The following NECTIN1 variants were observed in gnomAD, a reference collection of about 807,000 sequenced individuals.
NECTIN1 encodes nectin cell adhesion molecule 1.
In NECTIN1, 23 loss-of-function variants were observed where a neutral mutation model predicts 48.0. The ratio of observed to expected loss-of-function variants is 0.48; its 90% CI spans 0.34 to 0.68. NECTIN1 has a LOEUF of 0.68. NECTIN1 is among the 30% of genes least tolerant of loss of function. NECTIN1 has a pLI of 0.01. For missense variants in NECTIN1, 591 were observed against 709.9 expected (o/e 0.83, Z 1.90); for synonymous variants, 270 against 288.9 (o/e 0.93, Z 0.66).
chr11:119,664,575 G>A lies in NECTIN1; in HGVS notation c.*172C>T. ...GGAGAGGGAGGAAATAAAACACAAAGCCAAGTCGTGGCTGCCCTGGGCTCC... is the reference window on the plus strand; with the variant it reads ...GGAGAGGGAGGAAATAAAACACAAAACCAAGTCGTGGCTGCCCTGGGCTCC... On this transcript the variant is annotated 3_prime_UTR_variant, in exon 6 of 6. Coordinates refer to ENST00000264025, the MANE Select transcript of NECTIN1 (RefSeq NM_002855.5). 1 of 1,435,760 alleles carries A rather than the reference G, an allele frequency of 7.0e-7. No homozygotes were observed. The highest frequency in any genetic ancestry group is 9.1e-7 in the Non-Finnish European group (1 of 1,096,948). The allele number at this position is 1,435,760 out of a possible 1,614,324, so 88.9% of individuals were successfully genotyped here. A position where few individuals can be genotyped will look rare whatever the true frequency, so the allele number is the denominator to read the frequency against.
intron 1 of NECTIN1, among the ~76,000 whole-genome samples, chr11:119,689,799 C>T (rs553436527): frequency 7.9e-5 from 12 of 152,318 alleles, no homozygotes; most frequent in Middle Eastern, 3.4e-3. Flanking sequence ...ACTTTGTAGC[C>T]ACAGCACAGT....
rs532419307 is a variant in NECTIN1, at chr11:119,685,810, G to A, written c.80-7045C>T. Among the ~76,000 whole-genome samples, 78 of 152,304 alleles carry A rather than the reference G, an allele frequency of 5.1e-4. 1 individual carries two copies. The highest frequency in any genetic ancestry group is 1.8e-3 in the African/African-American group (74 of 41,570). ...TGCTCACCTGGACACTGAGAGAGGC[G>A]AGCTCTGGTCCCCACTACTTGCTCA... On this transcript the variant is annotated intron_variant, in intron 1 of 5. Transcript: ENST00000264025.
chr11:119,728,451 G>T (rs753208596), intron 1 of NECTIN1, 24 bp downstream of exon 1: 2 of 1,581,828 alleles, frequency 1.3e-6, no homozygotes, highest in South Asian at 2.3e-5. Context: ...TGGGGGTGGG[G>T]ACAGCAGAGG....
intron 1 of NECTIN1, among the ~76,000 whole-genome samples, chr11:119,690,704 G>A (rs542670190): frequency 1.3e-5 from 2 of 152,310 alleles, no homozygotes; most frequent in East Asian, 3.9e-4. Context: ...CCACAGAGGG[G>A]AGACCAGCCC....
At chr11:119,710,070 T>G (rs935941958) in intron 1 of NECTIN1, 7 of 152,132 alleles carry the variant, frequency 4.6e-5, no homozygotes, top group Non-Finnish European at 7.3e-5. Flanking sequence ...CACCACCCAG[T>G]CACCCCTTCA....
chr11:119,667,048 G>C (rs1483257718), intron 5 of NECTIN1, among the ~76,000 whole-genome samples: 2 of 152,106 alleles, frequency 1.3e-5, no homozygotes, highest in African/African-American at 4.8e-5. Context: ...CACCATCCTC[G>C]GTGCAGGTCA....
In NECTIN1 at chr11:119,663,623, G is replaced by T. The variant is rs1864708160; in HGVS notation, c.*1124C>A. The T allele has an allele frequency of 2.0e-6, 2 of 985,694 alleles. No individual in the cohort carries two copies. Among genetic ancestry groups the T allele is most frequent in the Middle Eastern group, 1.0e-3 (2 of 1,914 alleles). 61.1% of individuals were successfully genotyped at this position (985,694 alleles called of 1,614,324 possible). ...GGCTTCCTTCCCCACTACCCTCCGT[G>T]TGGATGCTTCTTTACCTCTGACTCC... On this transcript the variant is annotated 3_prime_UTR_variant, in exon 6 of 6. Transcript: ENST00000264025.
intron 1 of NECTIN1, among the ~76,000 whole-genome samples, chr11:119,697,072 G>A (rs1251615245): frequency 6.6e-6 from 1 of 152,118 alleles, no homozygotes; most frequent in Non-Finnish European, 1.5e-5. Context: ...GGGGCAGCCT[G>A]CGAGCAGCTC....
Position 119,647,180 on chromosome 11 carries a change from TG to T in NECTIN1, c.1004-7169del, listed in dbSNP as rs1565375769. ...CGGCGCATGTGTGTGTGTGTGTGTG[TG>T]TGTGTGTGTGTGTGTGTGTGTGTGT... On this transcript the variant is annotated intron_variant, in intron 5 of 7. Coordinates refer to the NECTIN1 transcript ENST00000341398. Among the ~76,000 whole-genome samples the T allele has an allele frequency of 2.7e-5, 3 of 112,342 alleles. No individual in the cohort carries two copies. In the East Asian group the frequency reaches 9.1e-4, roughly 34 times the overall value. 73.7% of individuals were successfully genotyped at this position (112,342 alleles called of 152,430 possible). A position where few individuals can be genotyped will look rare whatever the true frequency, so the allele number is the denominator to read the frequency against.
intron 1 of NECTIN1, among the ~76,000 whole-genome samples, chr11:119,719,237 G>A (rs1027732689): frequency 2.0e-5 from 3 of 152,150 alleles, no homozygotes; most frequent in African/African-American, 4.8e-5. Flanking sequence ...CCAGGTTATC[G>A]CTGCACCACT....
Position 119,664,607 on chromosome 11 carries a change from C to A in NECTIN1, c.*140G>T. 57 of 1,442,262 alleles carry A rather than the reference C, an allele frequency of 4.0e-5. No individual in the cohort carries two copies. In the South Asian group the frequency reaches 8.1e-4, roughly 20 times the overall value. The allele number at this position is 1,442,262 out of a possible 1,614,324, so 89.3% of individuals were successfully genotyped here. ...CGTGGCTGCCCTGGGCTCCCCTGGC[C>A]CCCCAGGAGTTCGGGGCTGGCTTTG... On this transcript the variant is annotated 3_prime_UTR_variant, in exon 6 of 6. Coordinates refer to ENST00000264025, the MANE Select transcript of NECTIN1 (RefSeq NM_002855.5).
At chr11:119,676,122 G>A (rs1050589945) in intron 4 of NECTIN1, among the ~76,000 whole-genome samples, 1 of 152,158 alleles carries the variant, frequency 6.6e-6, no homozygotes, top group Non-Finnish European at 1.5e-5. Context: ...CTCAGGTAAC[G>A]AGATAGGAAG....
At chr11:119,658,827 C>T (rs554897291), downstream of NECTIN1, among the ~76,000 whole-genome samples, 16 of 152,186 alleles carry the variant, frequency 1.1e-4, no homozygotes, top group Non-Finnish European at 2.2e-4. Flanking sequence ...CTGGGTTCCT[C>T]CCCTCCTGCT....
At chr11:119,676,986 C>T (rs1864962136) in intron 4 of NECTIN1, 116 bp downstream of exon 4, 2 of 870,754 alleles carry the variant, frequency 2.3e-6, no homozygotes, top group Non-Finnish European at 3.9e-6. Flanking sequence ...CTTACTGAGC[C>T]CAGACCCTAA....
intron 5 of NECTIN1, among the ~76,000 whole-genome samples, chr11:119,655,115 TG>T (rs1386096417): frequency 6.6e-6 from 1 of 151,904 alleles, no homozygotes; most frequent in Non-Finnish European, 1.5e-5. Context: ...TTCACCATGT[TG>T]GCCAGGCTGG....
chr11:119,697,457 C>T (rs1286041321), intron 1 of NECTIN1, among the ~76,000 whole-genome samples: 1 of 152,264 alleles, frequency 6.6e-6, no homozygotes, highest in East Asian at 1.9e-4. Flanking sequence ...TTCGTAGGCT[C>T]CCGCAACCCT....
intron 4 of NECTIN1, among the ~76,000 whole-genome samples, chr11:119,675,832 C>G (rs1305055149): frequency 6.6e-6 from 1 of 151,898 alleles, no homozygotes; most frequent in Non-Finnish European, 1.5e-5. Context: ...ATGGTGAAAC[C>G]CCATCTCTAC....
intron 5 of NECTIN1, chr11:119,674,577 A>G: frequency 1.2e-6 from 2 of 1,614,190 alleles, no homozygotes; most frequent in South Asian, 1.1e-5. Flanking sequence ...TTCACGTCCC[A>G]GGTGAAGTCT....
Position 119,678,877 on chromosome 11 carries a change from C to G in NECTIN1, c.80-112G>C. On this transcript the variant is annotated intron_variant, in intron 1 of 5. Transcript: ENST00000264025. This position sits in a 1 kb window ranked among gnomAD's most constrained non-coding sequence, Gnocchi z 4.4. ...TATAGCAGTCATTATTGTTTTTATT[C>G]CGATTGTAAAAATATTAATTACTTG... is the stretch of plus-strand genomic sequence containing the variant. 1.3e-6 allele frequency: 1 copy of G among 745,344 alleles called. No homozygotes were observed. Among genetic ancestry groups the G allele is most frequent in the Middle Eastern group, 3.5e-4 (1 of 2,882 alleles). The allele number at this position is 745,344 out of a possible 1,614,324, so 46.2% of individuals were successfully genotyped here.
Sources: allele counts gnomAD v4.1 joint callset (sites outside exome capture counted in the v4.1 genomes callset), GRCh38; gene constraint gnomAD v4.1.1; non-coding constraint Gnocchi (gnomAD v3.1); transcripts MANE v1.5; gene names NCBI Gene and HGNC (gene_info 2026-07-23, HGNC 2026-07-21).